HERC4: variants seen among roughly 807,000 people sequenced by gnomAD.
HERC4 encodes the protein probable E3 ubiquitin-protein ligase HERC4.
HERC4 carries 28 observed loss-of-function variants against 124.3 expected under a neutral mutation model. That is an observed-to-expected ratio of 0.23 (90% CI 0.17 to 0.31). The LOEUF (loss-of-function observed/expected upper bound fraction) is 0.31. Among genes scored for constraint, HERC4 ranks in the 10% least tolerant of loss-of-function variants. HERC4 has a pLI of 1.00. For missense variants in HERC4, 713 were observed against 1,229.3 expected (o/e 0.58, Z 6.28); for synonymous variants, 407 against 421.5 (o/e 0.97, Z 0.42).
intron 3 of HERC4, among the ~76,000 whole-genome samples, chr10:68,059,100 C>A (rs2040699142): frequency 6.6e-6 from 1 of 152,022 alleles, no homozygotes; most frequent in African/African-American, 2.4e-5. Flanking sequence ...ACACCTTGCT[C>A]ATTTTACTTA....
intron 22 of HERC4, among the ~76,000 whole-genome samples, chr10:67,933,046 C>T (rs775779451): frequency 7.9e-5 from 12 of 152,152 alleles, no homozygotes; most frequent in Middle Eastern, 6.8e-3. Context: ...TCCTAATGGG[C>T]AGAATGATGC....
rs1420973825 is a variant in HERC4 at position 68,073,116 on chromosome 10, A to G, written c.-8T>C. 6.8e-6 allele frequency: 11 copies of G among 1,606,400 alleles called. No individual in the cohort carries two copies. Among genetic ancestry groups the G allele is most frequent in the Non-Finnish European group, 9.3e-6 (11 of 1,176,810 alleles). ...ATTTCCCCAGCACAACATGCTTGTA[A>G]TTATTTTGGTCTTCCAGTTTCAATA... On this transcript the variant is annotated 5_prime_UTR_variant, in exon 3 of 25. Coordinates refer to ENST00000373700, the MANE Select transcript of HERC4 (RefSeq NM_015601.4).
At position 67,927,399 on chromosome 10, in the gene HERC4, TATATATATATATATATATATATATATA is replaced by T. The variant is rs1564910474; in HGVS notation, c.2839-2239_2839-2213del. Reference sequence around the variant, plus strand: ...TACACCATATATATATATATATATATATATATATATATATATATATATATATATATATTTTTTTTTTTTTTTAGATAG... The same window carrying T: ...TACACCATATATATATATATATATATTATATTTTTTTTTTTTTTTAGATAG... On this transcript the variant is annotated intron_variant, in intron 23 of 24. Coordinates refer to ENST00000373700, the MANE Select transcript of HERC4 (RefSeq NM_015601.4). 2.6e-3 allele frequency among the ~76,000 whole-genome samples: 20 copies of T among 7,834 alleles called. 1 individual carries two copies. The highest frequency in any genetic ancestry group is 7.0e-3 in the African/African-American group (18 of 2,574). The allele number at this position is 7,834 out of a possible 152,430, so 5.1% of individuals were successfully genotyped here.
intron 3 of HERC4, 28 bp downstream of exon 3, chr10:68,072,855 A>T: frequency 6.9e-7 from 1 of 1,454,094 alleles, no homozygotes; most frequent in Non-Finnish European, 9.4e-7. Context: ...TATTAAAAAT[A>T]GCAAATTTTA....
At chr10:68,045,846 C>G (rs2039988644) in intron 3 of HERC4, among the ~76,000 whole-genome samples, 1 of 152,086 alleles carries the variant, frequency 6.6e-6, no homozygotes. Flanking sequence ...TGCAGCTGTT[C>G]AATAATGAAA....
chr10:67,925,069 A>G lies in HERC4; in HGVS notation c.2941+16T>C. 7.7e-7 allele frequency: 1 copy of G among 1,301,756 alleles called. No individual in the cohort carries two copies. Among genetic ancestry groups the G allele is most frequent in the Non-Finnish European group, 1.1e-6 (1 of 897,184 alleles). 80.6% of individuals were successfully genotyped at this position (1,301,756 alleles called of 1,614,324 possible). A position where few individuals can be genotyped will look rare whatever the true frequency, so the allele number is the denominator to read the frequency against. On this transcript the variant is annotated intron_variant, in intron 24 of 24. Coordinates refer to ENST00000373700, the MANE Select transcript of HERC4 (RefSeq NM_015601.4). ...TTCCAGTCTCATAAAGTATACAACT[A>G]GTTAGAAATACTTACACAGAAACTG...
intron 3 of HERC4, among the ~76,000 whole-genome samples, chr10:68,046,010 G>A (rs113909661): frequency 0.054 from 8,224 of 151,866 alleles, 323 homozygotes; most frequent in Non-Finnish European, 0.08. Flanking sequence ...ACCTACTCCT[G>A]AAGCTTCCAG....
chr10:68,059,463 A>G (rs888395317), intron 3 of HERC4, among the ~76,000 whole-genome samples: 1 of 129,552 alleles, frequency 7.7e-6, no homozygotes, highest in Non-Finnish European at 1.6e-5. Flanking sequence ...TATTATAATA[A>G]TATTATATAT....
intron 9 of HERC4, 108 bp from the exon 10 acceptor site, chr10:67,992,790 C>T: frequency 3.2e-6 from 2 of 623,110 alleles, no homozygotes; most frequent in South Asian, 2.0e-5. Flanking sequence ...TAAGGCCTCC[C>T]ATTCATGGAC....
intron 8 of HERC4, among the ~76,000 whole-genome samples, chr10:68,023,475 T>TCTAC (rs2038746717): frequency 6.6e-6 from 1 of 151,976 alleles, no homozygotes; most frequent in Non-Finnish European, 1.5e-5. Flanking sequence ...ACTGTAAGAG[T>TCTAC]CTACCTATAT....
chr10:67,952,068 T>C (rs936786668), intron 19 of HERC4, among the ~76,000 whole-genome samples: 32 of 152,176 alleles, frequency 2.1e-4, no homozygotes, highest in African/African-American at 7.5e-4. Context: ...AAGCATTCCA[T>C]AACTAACCAT....
intron 13 of HERC4, 89 bp downstream of exon 13, chr10:67,990,815 C>T: frequency 1.4e-6 from 1 of 723,974 alleles, no homozygotes; most frequent in Non-Finnish European, 2.2e-6. Context: ...GTCTGTGAAA[C>T]TGCAAAGTAA....
chr10:68,041,954 T>A (rs572000426), intron 4 of HERC4, among the ~76,000 whole-genome samples: 82 of 152,356 alleles, frequency 5.4e-4, no homozygotes, highest in African/African-American at 1.9e-3. Context: ...TCCACTGGCA[T>A]TAAAAATGGG....
chr10:68,035,684 A>C (rs537829741), intron 5 of HERC4, among the ~76,000 whole-genome samples: 31 of 152,274 alleles, frequency 2.0e-4, no homozygotes, highest in Non-Finnish European at 4.1e-4. Flanking sequence ...ATCTCTTCTC[A>C]TATCAGTCAC....
intron 23 of HERC4, among the ~76,000 whole-genome samples, chr10:67,926,430 A>C (rs949109379): frequency 8.6e-6 from 1 of 116,834 alleles, no homozygotes; most frequent in Non-Finnish European, 2.0e-5. Flanking sequence ...AAAAAAAAAA[A>C]ACAAAAAAAT....
intron 4 of HERC4, chr10:68,039,312 T>C (rs1184706385): frequency 3.3e-6 from 4 of 1,209,756 alleles, no homozygotes; most frequent in Non-Finnish European, 3.3e-6. Flanking sequence ...TAAGACCCTG[T>C]CTCAAAAAAA....
intron 7 of HERC4, among the ~76,000 whole-genome samples, chr10:68,030,300 G>C (rs1032040657): frequency 6.6e-6 from 1 of 151,834 alleles, no homozygotes; most frequent in African/African-American, 2.4e-5. Flanking sequence ...AAATAGCCGG[G>C]TGTGATCGTG....
At chr10:68,064,560 CAAAA>C (rs538756559) in intron 3 of HERC4, among the ~76,000 whole-genome samples, 6 of 71,686 alleles carry the variant, frequency 8.4e-5, no homozygotes, top group Non-Finnish European at 1.5e-4. Context: ...GATTCTCTCT[CAAAA>C]AAAAAAAAAA....
chr10:68,058,158 C>G (rs527759452), intron 3 of HERC4, among the ~76,000 whole-genome samples: 1 of 151,986 alleles, frequency 6.6e-6, no homozygotes, highest in Non-Finnish European at 1.5e-5. Context: ...GTAAAGGAAT[C>G]CAATCCATTT....
Sources: allele counts gnomAD v4.1 joint callset (sites outside exome capture counted in the v4.1 genomes callset), GRCh38; gene constraint gnomAD v4.1.1; transcripts MANE v1.5; gene names NCBI Gene and HGNC (gene_info 2026-07-23, HGNC 2026-07-21).